The following PEMT variants were observed in gnomAD, a reference collection of about 807,000 sequenced individuals.
PEMT encodes phosphatidylethanolamine N-methyltransferase, also known as phospholipid methyltransferase.
In PEMT, 23 loss-of-function variants were observed where a neutral mutation model predicts 27.4. That is an observed-to-expected ratio of 0.84 (90% CI 0.60 to 1.19). The LOEUF (loss-of-function observed/expected upper bound fraction) is 1.19, where lower values mean the gene tolerates loss of function less well. Among genes scored for constraint, PEMT ranks in the 50% most tolerant of loss-of-function variants. The pLI is 0.00. For missense variants in PEMT, 307 were observed against 310.1 expected (o/e 0.99, Z 0.07); for synonymous variants, 137 against 139.1 (o/e 0.98, Z 0.11).
chr17:17,506,086 C>T (rs1307236278), intron 6 of PEMT, 141 bp downstream of exon 6: 7 of 983,370 alleles, frequency 7.1e-6, no homozygotes, highest in African/African-American at 6.6e-5. Context: ...CTACCATGGC[C>T]GCTCTGACCT....
At position 17,509,611 on chromosome 17, in the gene PEMT, A is replaced by T. The variant is rs956009103; in HGVS notation, c.467-66T>A. The T allele has an allele frequency of 1.8e-5, 20 of 1,135,402 alleles. No individual in the cohort carries two copies. In the Middle Eastern group the frequency reaches 6.1e-4, roughly 35 times the overall value. The allele number at this position is 1,135,402 out of a possible 1,614,324, so 70.3% of individuals were successfully genotyped here. A position where few individuals can be genotyped will look rare whatever the true frequency, so the allele number is the denominator to read the frequency against. ...GCCCTGGCCACACCATCACTGAGGG[A>T]GGCCCCAGAGCGGGCTGTGGCGAGA... On this transcript the variant is annotated intron_variant, in intron 4 of 6. Coordinates refer to ENST00000255389, the MANE Select transcript of PEMT (RefSeq NM_148172.3).
chr17:17,553,530 C>T lies in PEMT; in HGVS notation c.204+23390G>A, dbSNP rs1281939890. 2.0e-5 allele frequency among the ~76,000 whole-genome samples: 3 copies of T among 152,204 alleles called. No homozygotes were observed. The South Asian group carries it at 6.2e-4, about 32-fold the overall frequency. On this transcript the variant is annotated intron_variant, in intron 2 of 6. Transcript: ENST00000255389. ...CCCCTCACATGAAATTGTGCTCCAG[C>T]CCCTCACTCTGGATCCCCCCAACTC...
At chr17:17,543,309 C>A (rs1909021914) in intron 2 of PEMT, among the ~76,000 whole-genome samples, 1 of 152,236 alleles carries the variant, frequency 6.6e-6, no homozygotes, top group African/African-American at 2.4e-5. Context: ...CTTCCTCAGG[C>A]ATACGGCAGT....
intron 4 of PEMT, among the ~76,000 whole-genome samples, chr17:17,511,673 A>G (rs1906406569): frequency 6.6e-6 from 1 of 152,214 alleles, no homozygotes; most frequent in Non-Finnish European, 1.5e-5. Flanking sequence ...CTTCCCACCC[A>G]TGACGGAGAG....
intron 3 of PEMT, among the ~76,000 whole-genome samples, chr17:17,521,885 G>A (rs1907293956): frequency 6.6e-6 from 1 of 152,102 alleles, no homozygotes; most frequent in East Asian, 1.9e-4. Flanking sequence ...GCTTTCTGAC[G>A]CTGATTCAAA....
chr17:17,526,549 C>G (rs764703525), intron 2 of PEMT, among the ~76,000 whole-genome samples: 2 of 152,254 alleles, frequency 1.3e-5, no homozygotes, highest in East Asian at 1.9e-4. Context: ...CGTCTCTCCC[C>G]CTATCCGTGG....
chr17:17,553,700 C>T (rs1018732936), intron 2 of PEMT, among the ~76,000 whole-genome samples: 9 of 152,256 alleles, frequency 5.9e-5, no homozygotes. Context: ...CCAGCACCTT[C>T]AGCAGGTTCT....
chr17:17,556,640 C>T (rs1016023288), intron 2 of PEMT, among the ~76,000 whole-genome samples: 1 of 152,162 alleles, frequency 6.6e-6, no homozygotes, highest in African/African-American at 2.4e-5. Context: ...TCCCAAAGTG[C>T]TGGGATTACA....
rs2142755674 is a variant in PEMT at position 17,582,288 on chromosome 17, G to A, written c.97-5261C>T. 1.0e-6 allele frequency: 1 copy of A among 985,542 alleles called. No homozygotes were observed. The highest frequency in any genetic ancestry group is 1.2e-6 in the Non-Finnish European group (1 of 830,010). 61.0% of individuals were successfully genotyped at this position (985,542 alleles called of 1,614,324 possible). On this transcript the variant is annotated intron_variant, in intron 1 of 6. Coordinates refer to ENST00000255389, the MANE Select transcript of PEMT (RefSeq NM_148172.3). The surrounding 1 kb of genome is among the most constrained non-coding windows in gnomAD (Gnocchi z 4.9). Reference sequence around the variant, plus strand: ...CCACCACGGCCAGGAGGTCTGCTGAGCTGCAGGAATAGCTCGAGTCCCACA... The same window carrying A: ...CCACCACGGCCAGGAGGTCTGCTGAACTGCAGGAATAGCTCGAGTCCCACA...
At chr17:17,506,430 C>A (rs1905853420) in intron 5 of PEMT, 129 bp from the exon 6 acceptor site, 1 of 631,288 alleles carries the variant, frequency 1.6e-6, no homozygotes, top group Admixed American at 2.9e-5. Flanking sequence ...CTTGGGCCGA[C>A]CGAGCCCAGG....
At chr17:17,555,178 G>A (rs971944666) in intron 2 of PEMT, among the ~76,000 whole-genome samples, 2 of 151,706 alleles carry the variant, frequency 1.3e-5, no homozygotes, top group South Asian at 4.1e-4. Context: ...GACATGGCTT[G>A]TCCATGTCAC....
intron 1 of PEMT, among the ~76,000 whole-genome samples, chr17:17,580,487 C>T (rs577567966): frequency 6.6e-6 from 1 of 151,702 alleles, no homozygotes; most frequent in African/African-American, 2.4e-5. Flanking sequence ...AAAAAAAAAA[C>T]AAAAACAAAA....
At chr17:17,546,578 C>T (rs551060008) in intron 2 of PEMT, among the ~76,000 whole-genome samples, 2 of 152,330 alleles carry the variant, frequency 1.3e-5, no homozygotes, top group South Asian at 4.1e-4. Context: ...GGGATGGCAT[C>T]AGCTGGGCTA....
At chr17:17,589,748 T>C (rs1450297583) in intron 1 of PEMT, among the ~76,000 whole-genome samples, 4 of 152,228 alleles carry the variant, frequency 2.6e-5, no homozygotes, top group African/African-American at 9.7e-5. Context: ...AAATATGTAA[T>C]GTTGTATGTT....
At chr17:17,521,231 G>A (rs1907240463) in intron 3 of PEMT, among the ~76,000 whole-genome samples, 1 of 152,252 alleles carries the variant, frequency 6.6e-6, no homozygotes, top group Non-Finnish European at 1.5e-5. Context: ...ATTCTCTGGT[G>A]CAGCTAGTTT....
intron 2 of PEMT, among the ~76,000 whole-genome samples, chr17:17,562,007 G>T (rs1024578773): frequency 6.6e-6 from 1 of 152,214 alleles, no homozygotes; most frequent in African/African-American, 2.4e-5. Context: ...CCGGATCCAC[G>T]AGAGGCGCTT....
intron 2 of PEMT, among the ~76,000 whole-genome samples, chr17:17,543,064 C>T (rs890379976): frequency 6.6e-6 from 1 of 152,360 alleles, no homozygotes; most frequent in South Asian, 2.1e-4. Flanking sequence ...ACCAGCAGCA[C>T]CACCGGGGAA....
chr17:17,525,952 C>T (rs1597889838), intron 2 of PEMT, among the ~76,000 whole-genome samples: 1 of 152,112 alleles, frequency 6.6e-6, no homozygotes, highest in Non-Finnish European at 1.5e-5. Flanking sequence ...TGAGATCGTG[C>T]CACTGCACTC....
At chr17:17,514,569 C>T (rs1906666529) in intron 3 of PEMT, among the ~76,000 whole-genome samples, 1 of 152,250 alleles carries the variant, frequency 6.6e-6, no homozygotes, top group Non-Finnish European at 1.5e-5. Flanking sequence ...GCCCATACCC[C>T]CAGCTCTCCA....
Sources: gnomAD v4.1 joint callset for allele counts (sites outside exome capture counted in the v4.1 genomes callset) on GRCh38, gnomAD v4.1.1 for gene constraint, Gnocchi (gnomAD v3.1) non-coding constraint, MANE v1.5 for transcripts, NCBI Gene and HGNC (gene_info 2026-07-23, HGNC 2026-07-21) for gene names.